The following PIEZO2 variants were observed in gnomAD, a reference collection of about 807,000 sequenced individuals.
The protein encoded by PIEZO2 is piezo type mechanosensitive ion channel component 2, also known as piezo-type mechanosensitive ion channel component 2.
A neutral mutation model predicts 337.3 loss-of-function variants in PIEZO2; 172 were observed. The ratio of observed to expected loss-of-function variants is 0.51; its 90% CI spans 0.45 to 0.58. The LOEUF is 0.58. Among genes scored for constraint, PIEZO2 ranks in the 20% least tolerant of loss-of-function variants. The pLI is 0.00. For synonymous variants in PIEZO2, 1,251 were observed against 1,228.5 expected, an observed-to-expected ratio of 1.02 and a Z score of -0.38; for missense variants, 3,028 against 3,391.3, an observed-to-expected ratio of 0.89 and a Z score of 2.66.
At chr18:10,931,679 C>T (rs2032092321) in intron 3 of PIEZO2, among the ~76,000 whole-genome samples, 1 of 149,326 alleles carries the variant, frequency 6.7e-6, no homozygotes, top group Non-Finnish European at 1.5e-5. Context: ...CTCTCATTCT[C>T]TCACTCTTTC....
intron 40 of PIEZO2, 114 bp from the exon 41 acceptor site, chr18:10,705,860 C>T (rs1411128783): frequency 1.6e-6 from 2 of 1,249,018 alleles, no homozygotes; most frequent in Admixed American, 2.9e-5. Context: ...CCCATTTTCC[C>T]CCCTGCATTC....
At position 10,944,862 on chromosome 18, in the gene PIEZO2, C is replaced by T. The variant is rs547731998; in HGVS notation, c.287-33634G>A. On this transcript the variant is annotated intron_variant, in intron 3 of 55. Coordinates refer to ENST00000674853, the MANE Select transcript of PIEZO2 (RefSeq NM_001378183.1). ...TTTCAAGACACTGAATTTCAGGCAA[C>T]GAAAGACAGTGGTTCCTAAGGGGGG... 1.3e-4 allele frequency among the ~76,000 whole-genome samples: 20 copies of T among 151,902 alleles called. No individual in the cohort carries two copies. The East Asian group carries it at 1.5e-3, about 12-fold the overall frequency.
intron 3 of PIEZO2, among the ~76,000 whole-genome samples, chr18:10,959,215 A>G (rs78878373): frequency 6.6e-6 from 1 of 152,090 alleles, no homozygotes; most frequent in Non-Finnish European, 1.5e-5. Context: ...TTGTCTTTGT[A>G]TTTGTCTTGT....
intron 21 of PIEZO2, among the ~76,000 whole-genome samples, chr18:10,765,657 C>G (rs1018806474): frequency 2.0e-5 from 3 of 152,100 alleles, no homozygotes; most frequent in African/African-American, 7.2e-5. Context: ...GGGTCAGGCC[C>G]AGCTGTCAGG....
At position 11,018,382 on chromosome 18, in the gene PIEZO2, CGTGTGTGTGTGTGTGTGTGTGTGTGT is replaced by C. The variant is rs376013388; in HGVS notation, c.161-38748_161-38723del. Among the ~76,000 whole-genome samples the C allele has an allele frequency of 2.6e-5, 3 of 114,200 alleles. No homozygotes were observed. The East Asian group carries it at 8.2e-4, about 31-fold the overall frequency. 74.9% of individuals were successfully genotyped at this position (114,200 alleles called of 152,430 possible). On this transcript the variant is annotated intron_variant, in intron 2 of 55. Coordinates refer to ENST00000674853, the MANE Select transcript of PIEZO2 (RefSeq NM_001378183.1). The stretch of plus-strand genomic sequence containing the variant: ...CTGGGGGTTAGGACTCCCAACATGT[CGTGTGTGTGTGTGTGTGTGTGTGTGT>C]GTGTGTGTGTGTGTGTGTGTGTGTG...
chr18:11,145,261 T>C, intron 1 of PIEZO2, among the ~76,000 whole-genome samples: 1 of 152,214 alleles, frequency 6.6e-6, no homozygotes, highest in South Asian at 2.1e-4. Flanking sequence ...CTATTATGGT[T>C]TTGTTTTGCT....
Position 10,800,419 on chromosome 18 carries a change from G to C in PIEZO2, c.1296C>G (p.Ser432Arg). The change falls in exon 11 of 56, where the codon AGC becomes AGG. Residue 432 changes from serine (S) to arginine (R), a missense_variant. Ser to Arg is a moderately radical substitution (Grantham distance 110, BLOSUM62 -1). Transcript: ENST00000674853. ...TGCCAGGGCCGTTCTCCATGGGCAG[G>C]CTTGGGTGGATGGTGTGGTAATCCA... ...NPVDYHTIHP[S>R]LPMENGPGKA... 1.3e-6 allele frequency: 2 copies of C among 1,536,398 alleles called. No homozygotes were observed. Among genetic ancestry groups the C allele is most frequent in the Middle Eastern group, 1.7e-4 (1 of 5,982 alleles).
intron 1 of PIEZO2, among the ~76,000 whole-genome samples, chr18:11,130,081 A>G (rs771396537): frequency 2.6e-5 from 4 of 152,234 alleles, no homozygotes; most frequent in Non-Finnish European, 5.9e-5. Flanking sequence ...TAGTAAGTCA[A>G]AAACAATATC....
chr18:10,698,899 C>T (rs1258633145), intron 44 of PIEZO2, 26 bp downstream of exon 44: 1 of 1,535,392 alleles, frequency 6.5e-7, no homozygotes, highest in African/African-American at 1.4e-5. Context: ...CTAACTACAG[C>T]CTAGATATAT....
At chr18:10,686,757 T>C (rs1377784910) in intron 49 of PIEZO2, among the ~76,000 whole-genome samples, 2 of 152,102 alleles carry the variant, frequency 1.3e-5, no homozygotes, top group Admixed American at 6.5e-5. Context: ...GGTGTCTTCA[T>C]TGGTATCTGG....
chr18:11,011,728 G>A (rs1490175373), intron 2 of PIEZO2, among the ~76,000 whole-genome samples: 1 of 152,114 alleles, frequency 6.6e-6, no homozygotes, highest in Non-Finnish European at 1.5e-5. Flanking sequence ...TTGCCTTAGA[G>A]GAAGTCTCCA....
chr18:11,095,940 T>G (rs745748379), intron 1 of PIEZO2, among the ~76,000 whole-genome samples: 1 of 152,210 alleles, frequency 6.6e-6, no homozygotes, highest in Non-Finnish European at 1.5e-5. Flanking sequence ...GAGAAGACTA[T>G]AAATTAAATT....
At position 10,676,438 on chromosome 18, in the gene PIEZO2, C is replaced by T. The variant is rs11662742; in HGVS notation, c.8082-1150G>A. On this transcript the variant is annotated intron_variant, in intron 53 of 55. Transcript: ENST00000674853. This position sits in a 1 kb window ranked among gnomAD's most constrained non-coding sequence, Gnocchi z 5.1. ...TTCTTGCTAGTTCATATATTAGAAT[C>T]TAAACATCTCAGCTTTCATCTGTTG... Among the ~76,000 whole-genome samples the T allele has an allele frequency of 0.23, 35,687 of 152,118 alleles. 4,605 individuals are homozygous for T. Among genetic ancestry groups the T allele is most frequent in the Non-Finnish European group, 0.29 (19,833 of 67,980 alleles).
intron 4 of PIEZO2, among the ~76,000 whole-genome samples, chr18:10,875,726 C>A (rs2042252513): frequency 1.3e-5 from 2 of 152,186 alleles, no homozygotes; most frequent in Admixed American, 1.3e-4. Context: ...AAAGCCAGAG[C>A]CTTATATCTT....
At chr18:10,865,140 G>A (rs1240460874) in intron 5 of PIEZO2, among the ~76,000 whole-genome samples, 1 of 152,208 alleles carries the variant, frequency 6.6e-6, no homozygotes, top group Non-Finnish European at 1.5e-5. Context: ...CACAGTGAGG[G>A]AGTGGGGCAA....
chr18:11,054,966 C>T (rs549456854), intron 2 of PIEZO2, among the ~76,000 whole-genome samples: 1 of 152,210 alleles, frequency 6.6e-6, no homozygotes, highest in Non-Finnish European at 1.5e-5. Flanking sequence ...AATCCCAGCA[C>T]TTTGGGAGGC....
intron 2 of PIEZO2, among the ~76,000 whole-genome samples, chr18:11,050,790 A>G (rs1006556610): frequency 1.3e-5 from 2 of 151,308 alleles, no homozygotes; most frequent in African/African-American, 2.4e-5. Flanking sequence ...GATCCTAAAA[A>G]ACTATATATA....
intron 8 of PIEZO2, among the ~76,000 whole-genome samples, chr18:10,804,501 G>A (rs2039932722): frequency 1.3e-5 from 2 of 152,210 alleles, no homozygotes; most frequent in Admixed American, 6.5e-5. Context: ...AGAGGAATAC[G>A]AGGAACAGAA....
At chr18:10,675,095 A>G (rs942172116) in intron 54 of PIEZO2, 114 bp downstream of exon 54, 1 of 660,724 alleles carries the variant, frequency 1.5e-6, no homozygotes, top group African/African-American at 1.9e-5. Flanking sequence ...ATAGTCTGTC[A>G]CACAGGGAGA....
Sources: allele counts gnomAD v4.1 joint callset (sites outside exome capture counted in the v4.1 genomes callset), GRCh38; gene constraint gnomAD v4.1.1; non-coding constraint Gnocchi (gnomAD v3.1); transcripts MANE v1.5; gene names NCBI Gene and HGNC (gene_info 2026-07-23, HGNC 2026-07-21).